LRP1B: variants seen among roughly 807,000 people sequenced by gnomAD.
LRP1B encodes low-density lipoprotein receptor-related protein 1B.
A neutral mutation model predicts 556.6 loss-of-function variants in LRP1B; 217 were observed. The observed-to-expected ratio is 0.39, with a 90% CI of 0.35 to 0.44. The LOEUF is 0.44. Ranked by LOEUF, LRP1B falls within the 20% of genes least tolerant of loss-of-function variation. The pLI, the probability that LRP1B is intolerant of heterozygous loss-of-function variation, is 1.00. For missense variants in LRP1B, 5,053 were observed against 5,620.8 expected (o/e 0.90, Z 3.23); for synonymous variants, 2,047 against 1,865.8 (o/e 1.10, Z -2.50).
At chr2:141,872,011 C>T (rs763251635) in intron 1 of LRP1B, among the ~76,000 whole-genome samples, 21 of 151,858 alleles carry the variant, frequency 1.4e-4, no homozygotes, top group Non-Finnish European at 2.9e-4. Context: ...GCAGCTGGAA[C>T]ACAGAACTGT....
chr2:142,092,287 T>C (rs1706201852), intron 1 of LRP1B, among the ~76,000 whole-genome samples: 1 of 152,126 alleles, frequency 6.6e-6, no homozygotes, highest in Non-Finnish European at 1.5e-5. Flanking sequence ...TAAAAATATG[T>C]ACTTTCTGCC....
chr2:141,522,478 T>A (rs1684560905), intron 2 of LRP1B, among the ~76,000 whole-genome samples: 1 of 152,154 alleles, frequency 6.6e-6, no homozygotes. Flanking sequence ...TAAAATGGAA[T>A]AATTCATTTA....
intron 1 of LRP1B, among the ~76,000 whole-genome samples, chr2:142,047,291 A>T (rs1704293893): frequency 6.6e-6 from 1 of 151,956 alleles, no homozygotes; most frequent in Non-Finnish European, 1.5e-5. Flanking sequence ...GTTTAAACAA[A>T]CTGTCTTTGC....
chr2:140,702,757 T>C (rs751198372), intron 37 of LRP1B, among the ~76,000 whole-genome samples: 1 of 152,098 alleles, frequency 6.6e-6, no homozygotes, highest in Non-Finnish European at 1.5e-5. Context: ...ATACAAATCA[T>C]AGGATGCACT....
intron 41 of LRP1B, among the ~76,000 whole-genome samples, chr2:140,602,158 A>C (rs954686922): frequency 6.6e-6 from 1 of 152,012 alleles, no homozygotes; most frequent in African/African-American, 2.4e-5. Context: ...ATAATGTTTT[A>C]ATAGGTTAAT....
intron 77 of LRP1B, among the ~76,000 whole-genome samples, chr2:140,340,664 T>TA (rs34224956): frequency 3.7e-4 from 54 of 147,280 alleles, no homozygotes; most frequent in South Asian, 4.3e-4. Context: ...AAGTTAAAAT[T>TA]AAAAAAAAAA....
intron 6 of LRP1B, among the ~76,000 whole-genome samples, chr2:141,194,929 G>A (rs1019384184): frequency 6.6e-6 from 1 of 152,036 alleles, no homozygotes; most frequent in African/African-American, 2.4e-5. Context: ...CTTGTGATGT[G>A]CATGTACTAG....
chr2:142,020,908 C>G (rs1283325018), intron 1 of LRP1B, among the ~76,000 whole-genome samples: 2 of 152,116 alleles, frequency 1.3e-5, no homozygotes, highest in Non-Finnish European at 2.9e-5. Context: ...GCTAGAAAAG[C>G]AAAGCAGCTA....
chr2:140,411,899 C>T (rs1480342782), intron 66 of LRP1B, among the ~76,000 whole-genome samples: 3 of 152,016 alleles, frequency 2.0e-5, no homozygotes, highest in Admixed American at 6.6e-5. Context: ...AGAAAGAATC[C>T]TGTAAATTAA....
intron 29 of LRP1B, among the ~76,000 whole-genome samples, chr2:140,845,474 A>G (rs1008960783): frequency 6.6e-6 from 1 of 152,142 alleles, no homozygotes; most frequent in African/African-American, 2.4e-5. Context: ...CACACTTCCC[A>G]TTAAGTTCAT....
chr2:141,015,794 T>A lies in LRP1B; in HGVS notation c.2092A>T (p.Asn698Tyr), dbSNP rs1237436351. ...GTGTGAAAGTCCAGAGTTAAACCGT[T>A]TGGCCACAGCATCTTTGAAGTCACA... The part of the protein sequence containing the change: ...IFVTSKMLWP[N>Y]GLTLDFHTNT... The change falls in exon 13 of 91, where the codon AAC becomes TAC. Residue 698 changes from asparagine to tyrosine, a missense_variant. By Grantham distance (143) the Asn-to-Tyr change is moderately radical. Transcript: ENST00000389484. The A allele has an allele frequency of 6.2e-7, 1 of 1,613,560 alleles. No homozygotes were observed. The highest frequency in any genetic ancestry group is 8.5e-7 in the Non-Finnish European group (1 of 1,179,742).
chr2:140,699,814 A>T (rs1686565328), intron 41 of LRP1B, among the ~76,000 whole-genome samples: 1 of 147,264 alleles, frequency 6.8e-6, no homozygotes, highest in Admixed American at 6.9e-5. Context: ...TATATTTTAT[A>T]TATATACACA....
At chr2:142,014,172 T>TCTAAGTTTTAGGGTACA (rs1703043091) in intron 1 of LRP1B, among the ~76,000 whole-genome samples, 4 of 145,278 alleles carry the variant, frequency 2.8e-5, no homozygotes, top group African/African-American at 1.1e-4. Flanking sequence ...CTTTCACCAC[T>TCTAAGTTTTAGGGTACA]TCGCTTTCTT....
At chr2:140,596,851 C>A (rs1441469) in intron 43 of LRP1B, among the ~76,000 whole-genome samples, 2 of 151,842 alleles carry the variant, frequency 1.3e-5, no homozygotes, top group Non-Finnish European at 2.9e-5. Context: ...ATGCCTTCCA[C>A]GGGGAGGGCT....
At chr2:141,544,368 T>C (rs1047449702) in intron 2 of LRP1B, among the ~76,000 whole-genome samples, 22 of 109,938 alleles carry the variant, frequency 2.0e-4, no homozygotes, top group South Asian at 7.4e-4. Context: ...CTTCTTCTTC[T>C]TCTTCTTCTT....
intron 41 of LRP1B, among the ~76,000 whole-genome samples, chr2:140,609,234 T>C (rs1031730224): frequency 3.3e-5 from 5 of 152,140 alleles, no homozygotes; most frequent in Non-Finnish European, 5.9e-5. Context: ...AGAAATATAA[T>C]TAGAAAATGA....
intron 1 of LRP1B, among the ~76,000 whole-genome samples, chr2:141,853,140 A>G (rs2105777970): frequency 6.6e-6 from 1 of 151,584 alleles, no homozygotes; most frequent in African/African-American, 2.4e-5. Flanking sequence ...AAACAAATAA[A>G]CTCATGGATT....
In LRP1B at chr2:142,086,385, G is replaced by A. The variant is rs1705923017; in HGVS notation, c.82+44263C>T. The stretch of plus-strand genomic sequence containing the variant: ...CAGCACTTGGGAGGCCGAGGTGGAC[G>A]GATCACGAGGTCCAGAGATAGAGAC... On this transcript the variant is annotated intron_variant, in intron 1 of 90. Transcript: ENST00000389484. Among the ~76,000 whole-genome samples, 4 of 152,100 alleles carry A rather than the reference G, an allele frequency of 2.6e-5. No homozygotes were observed. The South Asian group carries it at 6.2e-4, about 24-fold the overall frequency.
intron 2 of LRP1B, among the ~76,000 whole-genome samples, chr2:141,739,676 GGTT>G (rs894265350): frequency 2.5e-5 from 3 of 119,482 alleles, no homozygotes; most frequent in East Asian, 4.6e-4. Context: ...ATTATCTACT[GGTT>G]GTTTTTTTTT....
Sources: gnomAD v4.1 joint callset for allele counts (sites outside exome capture counted in the v4.1 genomes callset) on GRCh38, gnomAD v4.1.1 for gene constraint, MANE v1.5 for transcripts, NCBI Gene and HGNC (gene_info 2026-07-23, HGNC 2026-07-21) for gene names.